The following TMEM131 variants were observed in gnomAD, a reference collection of about 807,000 sequenced individuals.
TMEM131 encodes 2610524E03Rik.
In TMEM131, 66 loss-of-function variants were observed where a neutral mutation model predicts 211.6. The observed-to-expected ratio is 0.31, with a 90% CI of 0.26 to 0.38. The LOEUF (loss-of-function observed/expected upper bound fraction) is 0.38. Among genes scored for constraint, TMEM131 ranks in the 10% least tolerant of loss-of-function variants. The pLI, the probability that TMEM131 is intolerant of heterozygous loss-of-function variation, is 1.00. For synonymous variants in TMEM131, 844 were observed against 841.3 expected (o/e 1.00, Z -0.06); for missense variants, 2,036 against 2,299.3 (o/e 0.89, Z 2.34).
chr2:97,915,926 T>C (rs1676489500), intron 2 of TMEM131, among the ~76,000 whole-genome samples: 1 of 152,194 alleles, frequency 6.6e-6, no homozygotes, highest in Non-Finnish European at 1.5e-5. Flanking sequence ...TCTTATTTTA[T>C]TTTAATAAAA....
Position 97,802,663 on chromosome 2 carries a change from T to C in TMEM131, c.2530A>G (p.Asn844Asp). 1 of 1,612,504 alleles carries C rather than the reference T, an allele frequency of 6.2e-7. No homozygotes were observed. Among genetic ancestry groups the C allele is most frequent in the Non-Finnish European group, 8.5e-7 (1 of 1,179,164 alleles). The change falls in exon 23 of 41, where the codon AAC becomes GAC. Residue 844 changes from asparagine to aspartate, a missense_variant. Transcript: ENST00000186436. ...CTTTGAATACTTACTGAGGAGCAGT[T>C]TGTATTAGTAAGTGGAAATTTCAAG... ...RHLKFPLTNT[N>D]CSSEEEITLE...
intron 5 of TMEM131, among the ~76,000 whole-genome samples, chr2:97,850,397 G>GA (rs781749447): frequency 4.6e-5 from 7 of 152,080 alleles, no homozygotes; most frequent in Non-Finnish European, 8.8e-5. Flanking sequence ...AGTACTCATA[G>GA]AGGTGTGTGG....
At chr2:97,757,449 T>TA in intron 40 of TMEM131, 66 bp from the exon 41 acceptor site, 4 of 1,502,184 alleles carry the variant, frequency 2.7e-6, no homozygotes, top group Non-Finnish European at 3.6e-6. Context: ...GGTAAGGGGG[T>TA]AAGGCTACAG....
intron 10 of TMEM131, among the ~76,000 whole-genome samples, chr2:97,833,706 G>A (rs1682815475): frequency 6.6e-6 from 1 of 151,204 alleles, no homozygotes; most frequent in Admixed American, 6.6e-5. Flanking sequence ...CACCCAGGCT[G>A]GAGTACAGTG....
chr2:97,954,044 C>T (rs1019589146), intron 1 of TMEM131, among the ~76,000 whole-genome samples: 2 of 152,118 alleles, frequency 1.3e-5, no homozygotes, highest in Non-Finnish European at 2.9e-5. Context: ...GTCACAGTGA[C>T]GCTTATATTA....
At chr2:97,913,308 A>T (rs1573548403) in intron 2 of TMEM131, among the ~76,000 whole-genome samples, 1 of 152,180 alleles carries the variant, frequency 6.6e-6, no homozygotes, top group South Asian at 2.1e-4. Flanking sequence ...AGATATCAAT[A>T]ATTTAGATGT....
intron 1 of TMEM131, among the ~76,000 whole-genome samples, chr2:97,932,341 C>G (rs753978198): frequency 1.2e-4 from 19 of 152,146 alleles, no homozygotes; most frequent in Non-Finnish European, 2.1e-4. Flanking sequence ...TTTCTTCCCT[C>G]ATTAGTTTTA....
intron 1 of TMEM131, among the ~76,000 whole-genome samples, chr2:97,941,956 C>T (rs1677751084): frequency 6.6e-6 from 1 of 152,062 alleles, no homozygotes; most frequent in Admixed American, 6.6e-5. Flanking sequence ...ACCATTTGAC[C>T]CAGCCATCCC....
At chr2:97,848,601 G>A (rs892937226) in intron 5 of TMEM131, among the ~76,000 whole-genome samples, 3 of 152,066 alleles carry the variant, frequency 2.0e-5, no homozygotes, top group South Asian at 4.1e-4. Flanking sequence ...GACAAGAAAA[G>A]TCTTGTTCAG....
At chr2:97,967,058 T>C (rs1281344300) in intron 1 of TMEM131, among the ~76,000 whole-genome samples, 1 of 150,696 alleles carries the variant, frequency 6.6e-6, no homozygotes, top group Non-Finnish European at 1.5e-5. Flanking sequence ...ACGGCACACT[T>C]CTTAGATGGG....
At chr2:97,833,316 T>G (rs1559388567) in intron 11 of TMEM131, 49 bp downstream of exon 11, 1 of 900,020 alleles carries the variant, frequency 1.1e-6, no homozygotes, top group Non-Finnish European at 1.7e-6. Flanking sequence ...GTCATACATT[T>G]AAAAACAAAG....
In TMEM131 at chr2:97,812,769, C is replaced by A. The variant is rs1215480149; in HGVS notation, c.1618-20G>T. 5 of 1,368,158 alleles carry A rather than the reference C, an allele frequency of 3.7e-6. No homozygotes were observed. Among genetic ancestry groups the A allele is most frequent in the South Asian group, 1.4e-5 (1 of 72,568 alleles). 84.8% of individuals were successfully genotyped at this position (1,368,158 alleles called of 1,614,324 possible). On this transcript the variant is annotated intron_variant, in intron 15 of 40. Transcript: ENST00000186436. Reference sequence around the variant, plus strand: ...AAAGTACTGGAAAGATATAAAAGAACCAGATTAAAAAAAAGTCACATTGAT... The same window carrying A: ...AAAGTACTGGAAAGATATAAAAGAAACAGATTAAAAAAAAGTCACATTGAT...
At chr2:97,808,632 C>T (rs1403384872) in intron 19 of TMEM131, among the ~76,000 whole-genome samples, 1 of 152,194 alleles carries the variant, frequency 6.6e-6, no homozygotes, top group Non-Finnish European at 1.5e-5. Context: ...GTTCCTTCAT[C>T]CATACATTAT....
intron 1 of TMEM131, among the ~76,000 whole-genome samples, chr2:97,991,641 A>G (rs1454877730): frequency 6.6e-6 from 1 of 152,208 alleles, no homozygotes; most frequent in African/African-American, 2.4e-5. Context: ...ACCAGAACCG[A>G]GAAGTACAGA....
intron 1 of TMEM131, among the ~76,000 whole-genome samples, chr2:97,974,878 G>A (rs1433237623): frequency 3.3e-5 from 5 of 152,094 alleles, no homozygotes; most frequent in African/African-American, 9.7e-5. Context: ...GATACCAGGT[G>A]GAATACAGAT....
intron 39 of TMEM131, chr2:97,759,319 G>A: frequency 1.8e-6 from 1 of 555,294 alleles, no homozygotes; most frequent in Non-Finnish European, 3.2e-6. Flanking sequence ...AAGCTTCCAT[G>A]GTGACCTCTA....
At chr2:97,853,947 G>C (rs1465779264) in intron 5 of TMEM131, among the ~76,000 whole-genome samples, 1 of 152,208 alleles carries the variant, frequency 6.6e-6, no homozygotes, top group Non-Finnish European at 1.5e-5. Flanking sequence ...AAAGAACTTA[G>C]AATACTACAT....
intron 34 of TMEM131, 79 bp from the exon 35 acceptor site, chr2:97,766,342 T>C: frequency 6.2e-7 from 1 of 1,602,812 alleles, no homozygotes; most frequent in Non-Finnish European, 8.5e-7. Context: ...AACCTTCTAA[T>C]GAGGACAAGA....
chr2:97,865,336 G>A (rs4560167), intron 4 of TMEM131, among the ~76,000 whole-genome samples: 115,847 of 152,214 alleles, frequency 0.76, 45,748 homozygotes, highest in African/African-American at 0.88. Flanking sequence ...AGAAGTGACA[G>A]GAATAGATCT....
Sources: allele counts gnomAD v4.1 joint callset (sites outside exome capture counted in the v4.1 genomes callset), GRCh38; gene constraint gnomAD v4.1.1; transcripts MANE v1.5; gene names NCBI Gene and HGNC (gene_info 2026-07-23, HGNC 2026-07-21).